The following IGFL2 variants were observed in gnomAD, a reference collection of about 807,000 sequenced individuals.
The protein encoded by IGFL2 is insulin growth factor-like family member 2.
In IGFL2, 7 loss-of-function variants were observed where a neutral mutation model predicts 13.9. The observed-to-expected ratio is 0.51, with a 90% confidence interval of 0.29 to 0.95. The LOEUF is 0.95. Among genes scored for constraint, IGFL2 ranks in the 40% least tolerant of loss-of-function variants. The pLI, the probability that IGFL2 is intolerant of heterozygous loss-of-function variation, is 0.08. For missense variants in IGFL2, 138 were observed against 147.8 expected (o/e 0.93, Z 0.34); for synonymous variants, 55 against 55.8 (o/e 0.99, Z 0.07).
At chr19:46,134,600 G>C in the IGFL2 span, among the ~76,000 whole-genome samples, 763 of 152,300 alleles carry the variant, frequency 5.0e-3, 5 homozygotes, top group African/African-American at 0.017. Flanking sequence ...TAGATAAGGA[G>C]TATTAGATTA....
the IGFL2 span, among the ~76,000 whole-genome samples, chr19:46,185,264 C>T: frequency 6.6e-6 from 1 of 152,158 alleles, no homozygotes; most frequent in Non-Finnish European, 1.5e-5. Context: ...TTCCTCTCTT[C>T]TTCTCTGGGC....
chr19:46,188,430 T>C, the IGFL2 span, among the ~76,000 whole-genome samples: 1 of 151,938 alleles, frequency 6.6e-6, no homozygotes, highest in Non-Finnish European at 1.5e-5. Context: ...CCCACTCTCC[T>C]CTATATTGCC....
chr19:46,124,125 G>C, the IGFL2 span: 26 of 1,610,964 alleles, frequency 1.6e-5, 1 homozygote, highest in Non-Finnish European at 1.9e-5. Flanking sequence ...GTGTCGGCTG[G>C]CACAGCCACA....
chr19:46,155,601 A>G (rs1331024165), intron 1 of IGFL2, among the ~76,000 whole-genome samples: 3 of 152,238 alleles, frequency 2.0e-5, no homozygotes, highest in Non-Finnish European at 4.4e-5. Flanking sequence ...TGCTCTTCAC[A>G]CTGACTTCTG....
the IGFL2 span, chr19:46,204,766 A>G: frequency 6.6e-6 from 1 of 152,352 alleles, no homozygotes; most frequent in Admixed American, 6.5e-5. Flanking sequence ...TGTATATGAA[A>G]TAAGTTGTTG....
At chr19:46,164,725 C>G (rs942530735), downstream of IGFL2, 1 of 152,224 alleles carries the variant, frequency 6.6e-6, no homozygotes, top group African/African-American at 2.4e-5. Flanking sequence ...GGCTGCTGAC[C>G]TGAGTAGATG....
the IGFL2 span, among the ~76,000 whole-genome samples, chr19:46,132,849 T>C: frequency 1.3e-5 from 2 of 152,178 alleles, no homozygotes; most frequent in African/African-American, 4.8e-5. Flanking sequence ...TCTGTCCCAC[T>C]GCCTGCTGAG....
the IGFL2 span, chr19:46,214,927 C>T: frequency 6.6e-6 from 1 of 151,296 alleles, no homozygotes; most frequent in African/African-American, 2.4e-5. Flanking sequence ...CAGGCTGTCA[C>T]GTGTCCTCAG....
chr19:46,101,933 A>T, the IGFL2 span, among the ~76,000 whole-genome samples: 1 of 152,256 alleles, frequency 6.6e-6, no homozygotes, highest in Non-Finnish European at 1.5e-5. Flanking sequence ...GAGAAAAATA[A>T]GTTTAAAAAA....
chr19:46,089,899 C>T, the IGFL2 span, among the ~76,000 whole-genome samples: 1 of 152,014 alleles, frequency 6.6e-6, no homozygotes, highest in Non-Finnish European at 1.5e-5. Flanking sequence ...CATCTTTCTC[C>T]AGGTTTGGAA....
chr19:46,138,312 G>A (rs1972694320), upstream of IGFL2, among the ~76,000 whole-genome samples: 1 of 152,138 alleles, frequency 6.6e-6, no homozygotes, highest in South Asian at 2.1e-4. Flanking sequence ...AGCACTTCTG[G>A]GCTGCATCGT....
the IGFL2 span, among the ~76,000 whole-genome samples, chr19:46,116,077 C>T: frequency 6.6e-6 from 1 of 152,046 alleles, no homozygotes; most frequent in Non-Finnish European, 1.5e-5. Context: ...GTTCATTTCC[C>T]AATCTTTTTT....
the IGFL2 span, among the ~76,000 whole-genome samples, chr19:46,079,679 G>C: frequency 6.6e-6 from 1 of 152,086 alleles, no homozygotes; most frequent in African/African-American, 2.4e-5. Flanking sequence ...CTGCCAGCTC[G>C]ATTGCAGCCT....
chr19:46,143,390 TTTC>T (rs1390744900), upstream of IGFL2, among the ~76,000 whole-genome samples: 191 of 151,872 alleles, frequency 1.3e-3, 1 homozygote, highest in African/African-American at 4.1e-3. Flanking sequence ...CGTTTTTTGT[TTTC>T]TTCTTCTTCT....
At chr19:46,187,403 G>T in the IGFL2 span, among the ~76,000 whole-genome samples, 1 of 148,278 alleles carries the variant, frequency 6.7e-6, no homozygotes, top group Non-Finnish European at 1.5e-5. Flanking sequence ...ATCAGAGACG[G>T]TGAGCATTAA....
rs200732135 is a variant in IGFL2 at position 46,153,835 on chromosome 19, A to AT, written c.19+5539dup. 2.3e-3 allele frequency among the ~76,000 whole-genome samples: 333 copies of AT among 144,802 alleles called. 1 individual carries two copies. The highest frequency in any genetic ancestry group is 6.8e-3 in the East Asian group (34 of 5,008). The allele number at this position is 144,802 out of a possible 152,430, so 95.0% of individuals were successfully genotyped here. On this transcript the variant is annotated intron_variant, in intron 1 of 3. Coordinates refer to ENST00000377693, the MANE Select transcript of IGFL2 (RefSeq NM_001135113.2). ...TATATGTGTATATATATATATATAT[A>AT]TATATTTTTTTTACTTTAAGTTCTG... is the stretch of plus-strand genomic sequence containing the variant.
chr19:46,136,992 G>T, the IGFL2 span: 3 of 1,542,270 alleles, frequency 1.9e-6, no homozygotes, highest in South Asian at 3.4e-5. Context: ...CACACCAACT[G>T]ACTGGCAGAG....
the IGFL2 span, among the ~76,000 whole-genome samples, chr19:46,100,263 T>G: frequency 6.6e-6 from 1 of 152,188 alleles, no homozygotes; most frequent in Non-Finnish European, 1.5e-5. Flanking sequence ...TTTGTCTAGT[T>G]TCAATCTTTG....
chr19:46,165,003 C>T (rs927139934), downstream of IGFL2, among the ~76,000 whole-genome samples: 19 of 152,126 alleles, frequency 1.2e-4, no homozygotes, highest in African/African-American at 4.3e-4. Context: ...AGTTGCAGAC[C>T]TTCTTAGGCC....
Sources: allele counts gnomAD v4.1 joint callset (sites outside exome capture counted in the v4.1 genomes callset), GRCh38; gene constraint gnomAD v4.1.1; transcripts MANE v1.5; gene names NCBI Gene and HGNC (gene_info 2026-07-23, HGNC 2026-07-21).